ONECUT3: variants seen among roughly 807,000 people sequenced by gnomAD.
ONECUT3 encodes one cut homeobox 3, also known as one cut domain family member 3.
In ONECUT3, 11 loss-of-function variants were observed where a neutral mutation model predicts 16.8. The ratio of observed to expected loss-of-function variants is 0.66; its 90% CI spans 0.41 to 1.09. The LOEUF (loss-of-function observed/expected upper bound fraction) is 1.09, where lower values mean the gene tolerates loss of function less well. ONECUT3 is among the 50% of genes least tolerant of loss of function. The probability of loss-of-function intolerance (pLI) is 0.00; values close to 1 mark genes in which losing one functional copy is unlikely to be tolerated. For synonymous variants in ONECUT3, 344 were observed against 310.7 expected (o/e 1.11, Z -1.13); for missense variants, 637 against 629.9 (o/e 1.01, Z -0.12).
chr19:1,765,501 C>T (rs2067978723), intron 1 of ONECUT3, among the ~76,000 whole-genome samples: 1 of 152,220 alleles, frequency 6.6e-6, no homozygotes, highest in South Asian at 2.1e-4. Flanking sequence ...CTGGCCTCCT[C>T]ATTGGGGAAC....
intron 1 of ONECUT3, among the ~76,000 whole-genome samples, chr19:1,756,125 A>G (rs1302765723): frequency 6.6e-6 from 1 of 152,050 alleles, no homozygotes; most frequent in Non-Finnish European, 1.5e-5. Flanking sequence ...GGGCTGGGCG[A>G]AGAGAGGACA....
At chr19:1,761,840 A>G (rs1600341836) in intron 1 of ONECUT3, among the ~76,000 whole-genome samples, 1 of 151,836 alleles carries the variant, frequency 6.6e-6, no homozygotes, top group Non-Finnish European at 1.5e-5. Context: ...AGAAACCGGC[A>G]CCCCTCCTGA....
intron 1 of ONECUT3, among the ~76,000 whole-genome samples, chr19:1,774,248 C>T (rs996952855): frequency 2.6e-5 from 4 of 152,068 alleles, no homozygotes; most frequent in African/African-American, 9.7e-5. Flanking sequence ...CTAAGGGTAT[C>T]AGGCCTTACA....
intron 1 of ONECUT3, among the ~76,000 whole-genome samples, chr19:1,770,509 T>C (rs1239477951): frequency 6.6e-6 from 1 of 152,242 alleles, no homozygotes; most frequent in Non-Finnish European, 1.5e-5. Flanking sequence ...AAAGCTCTTG[T>C]GAGCTTTCTG....
chr19:1,766,620 C>T lies in ONECUT3; in HGVS notation c.1193-8533C>T, dbSNP rs1464335799. ...GTGAGGAGGAGGAGAGGGGATGGTC[C>T]CCTCTTGGAGGGTGATGGGGGTTGA... On this transcript the variant is annotated intron_variant, in intron 1 of 1. Transcript: ENST00000382349. This position sits in a 1 kb window ranked among gnomAD's most constrained non-coding sequence, Gnocchi z 4.0. Among the ~76,000 whole-genome samples, 1 of 150,346 alleles carries T rather than the reference C, an allele frequency of 6.7e-6. No homozygotes were observed. Among genetic ancestry groups the T allele is most frequent in the Non-Finnish European group, 1.5e-5 (1 of 67,406 alleles).
At chr19:1,770,867 T>A (rs2068048394) in intron 1 of ONECUT3, among the ~76,000 whole-genome samples, 1 of 152,242 alleles carries the variant, frequency 6.6e-6, no homozygotes, top group South Asian at 2.1e-4. Context: ...TGGTACACTG[T>A]TCACCCTTCA....
intron 1 of ONECUT3, among the ~76,000 whole-genome samples, chr19:1,769,705 G>A (rs958310226): frequency 2.0e-5 from 3 of 152,058 alleles, no homozygotes; most frequent in Non-Finnish European, 4.4e-5. Flanking sequence ...CTCTGTCAGC[G>A]GCTGTGGGGG....
At chr19:1,763,737 T>TTTG (rs1555799414) in intron 1 of ONECUT3, among the ~76,000 whole-genome samples, 2 of 148,140 alleles carry the variant, frequency 1.4e-5, no homozygotes, top group Non-Finnish European at 3.0e-5. Context: ...TTTTTGTTTT[T>TTTG]TTTTTTTTTT....
Position 1,759,187 on chromosome 19 carries a change from T to A in ONECUT3, c.1192+4333T>A, listed in dbSNP as rs535233535. ...GGAGTTGCATGCTGAGGGCAGCTGG[T>A]GCAGGAATTGGGCACCTCTGTTTGG... On this transcript the variant is annotated intron_variant, in intron 1 of 1. Coordinates refer to ENST00000382349, the MANE Select transcript of ONECUT3 (RefSeq NM_001080488.2). This position sits in a 1 kb window ranked among gnomAD's most constrained non-coding sequence, Gnocchi z 4.1. Among the ~76,000 whole-genome samples the A allele has an allele frequency of 8.5e-5, 13 of 152,242 alleles. No homozygotes were observed. The South Asian group carries it at 2.7e-3, about 32-fold the overall frequency.
intron 1 of ONECUT3, among the ~76,000 whole-genome samples, chr19:1,772,788 G>A (rs1202432421): frequency 7.4e-6 from 1 of 135,630 alleles, no homozygotes; most frequent in Admixed American, 8.2e-5. Flanking sequence ...CTGCCTCCCA[G>A]ATTCAAGCAA....
intron 1 of ONECUT3, 58 bp from the exon 2 acceptor site, chr19:1,775,095 G>A: frequency 8.2e-7 from 1 of 1,213,868 alleles, no homozygotes; most frequent in Non-Finnish European, 1.1e-6. Flanking sequence ...CCTCTCCCCG[G>A]CCGGCCACAC....
At chr19:1,757,120 C>A (rs1482959514) in intron 1 of ONECUT3, among the ~76,000 whole-genome samples, 1 of 136,606 alleles carries the variant, frequency 7.3e-6, no homozygotes, top group Non-Finnish European at 1.5e-5. Flanking sequence ...AAACCGCAGG[C>A]GAGAAGTCCC....
chr19:1,769,846 C>T (rs1210412894), intron 1 of ONECUT3, among the ~76,000 whole-genome samples: 1 of 152,082 alleles, frequency 6.6e-6, no homozygotes, highest in Non-Finnish European at 1.5e-5. Flanking sequence ...ATCGACAAAA[C>T]GGGAAGTTTT....
chr19:1,775,093 C>A, intron 1 of ONECUT3, 60 bp from the exon 2 acceptor site: 1 of 1,209,422 alleles, frequency 8.3e-7, no homozygotes, highest in Non-Finnish European at 1.1e-6. Context: ...TGCCTCTCCC[C>A]GGCCGGCCAC....
rs1331177027 is a variant in ONECUT3 at position 1,775,896 on chromosome 19, T to C, written c.*451T>C. 6.7e-6 allele frequency: 1 copy of C among 148,290 alleles called. No individual in the cohort carries two copies. The highest frequency in any genetic ancestry group is 2.5e-5 in the African/African-American group (1 of 39,992). 9.2% of individuals were successfully genotyped at this position (148,290 alleles called of 1,614,324 possible). On this transcript the variant is annotated 3_prime_UTR_variant, in exon 2 of 2. Coordinates refer to ENST00000382349, the MANE Select transcript of ONECUT3 (RefSeq NM_001080488.2). The stretch of plus-strand genomic sequence containing the variant: ...AGATCCCCTGCCCCACCGAGGGAGG[T>C]AGTAGAAAACTTCCTTCCTCCCCAC...
intron 1 of ONECUT3, among the ~76,000 whole-genome samples, chr19:1,760,430 CG>C (rs955745430): frequency 4.6e-5 from 4 of 87,024 alleles, no homozygotes; most frequent in African/African-American, 1.8e-4. Context: ...GGCGGGGGGG[CG>C]GGGGGTGGCA....
intron 1 of ONECUT3, among the ~76,000 whole-genome samples, chr19:1,765,427 C>T (rs1010291767): frequency 3.3e-5 from 5 of 152,322 alleles, no homozygotes; most frequent in South Asian, 4.1e-4. Flanking sequence ...GTGGAGCCCG[C>T]GCCTCCCCTC....
Position 1,779,758 on chromosome 19 carries a change from T to A in ONECUT3, c.*4313T>A, listed in dbSNP as rs1421303362. The A allele has an allele frequency of 6.6e-6, 1 of 151,856 alleles. No homozygotes were observed. The allele number at this position is 151,856 out of a possible 1,614,324, so 9.4% of individuals were successfully genotyped here. ...TCGGTGCTGTTCAGTGGTTTTTCGTTACTGTTTCTTTCCTCCTTTCTAAGG... is the reference window on the plus strand; with the variant it reads ...TCGGTGCTGTTCAGTGGTTTTTCGTAACTGTTTCTTTCCTCCTTTCTAAGG... On this transcript the variant is annotated 3_prime_UTR_variant, in exon 2 of 2. Coordinates refer to ENST00000382349, the MANE Select transcript of ONECUT3 (RefSeq NM_001080488.2).
In ONECUT3 at chr19:1,775,541, A is replaced by AG; in HGVS notation, c.*101dup. On this transcript the variant is annotated 3_prime_UTR_variant, in exon 2 of 2. Transcript: ENST00000382349. ...CCTGCCGGCCCGGAGACCCGCCCCCAGGGGGCACCTGGAGGGGGTGCTATC... is the reference window on the plus strand; with the variant it reads ...CCTGCCGGCCCGGAGACCCGCCCCCAGGGGGGCACCTGGAGGGGGTGCTATC... The AG allele has an allele frequency of 7.8e-7, 1 of 1,274,726 alleles. No individual in the cohort carries two copies. The highest frequency in any genetic ancestry group is 1.0e-6 in the Non-Finnish European group (1 of 978,278). The allele number at this position is 1,274,726 out of a possible 1,614,324, so 79.0% of individuals were successfully genotyped here.
Sources: gnomAD v4.1 joint callset for allele counts (sites outside exome capture counted in the v4.1 genomes callset) on GRCh38, gnomAD v4.1.1 for gene constraint, Gnocchi (gnomAD v3.1) non-coding constraint, MANE v1.5 for transcripts, NCBI Gene and HGNC (gene_info 2026-07-23, HGNC 2026-07-21) for gene names.